ZFYVE26: variants seen among roughly 807,000 people sequenced by gnomAD.
ZFYVE26 encodes zinc finger FYVE-type containing 26, also known as zinc finger FYVE domain-containing protein 26.
In ZFYVE26, 181 loss-of-function variants were observed where a neutral mutation model predicts 276.5. The ratio of observed to expected loss-of-function variants is 0.65; its 90% CI spans 0.58 to 0.74. ZFYVE26 has a LOEUF of 0.74. Among genes scored for constraint, ZFYVE26 ranks in the 30% least tolerant of loss-of-function variants. The pLI, the probability that ZFYVE26 is intolerant of heterozygous loss-of-function variation, is 0.00. For synonymous variants in ZFYVE26, 1,129 were observed against 1,203.1 expected (o/e 0.94, Z 1.27); for missense variants, 2,821 against 3,097.9 (o/e 0.91, Z 2.12).
In ZFYVE26 at chr14:67,784,742, T is replaced by C. The variant is rs550011408; in HGVS notation, c.3524-306A>G. On this transcript the variant is annotated intron_variant, in intron 19 of 41. Coordinates refer to ENST00000347230, the MANE Select transcript of ZFYVE26 (RefSeq NM_015346.4). ...GCATGTAGTACTCACTCTGTGGACT[T>C]AAGAATCTGGTACTCATATCAGAGA... Among the ~76,000 whole-genome samples, 128 of 152,310 alleles carry C rather than the reference T, an allele frequency of 8.4e-4. 1 individual carries two copies. Among genetic ancestry groups the C allele is most frequent in the African/African-American group, 3.1e-3 (127 of 41,578 alleles).
intron 13 of ZFYVE26, among the ~76,000 whole-genome samples, chr14:67,732,880 C>T (rs1426836487): frequency 1.3e-5 from 2 of 152,118 alleles, no homozygotes; most frequent in African/African-American, 2.4e-5. Flanking sequence ...CGTGCCCAGC[C>T]GTGATAGGCT....
Position 67,746,939 on chromosome 14 carries a change from G to C in ZFYVE26, c.*1497C>G, listed in dbSNP as rs1316086261. On this transcript the variant is annotated 3_prime_UTR_variant, in exon 42 of 42. Transcript: ENST00000347230. ...TTACAGTCTTTCTCCTCTCTAACAG[G>C]ACCAAAACTTCTCATCTGACAGATG... 1 of 152,582 alleles carries C rather than the reference G, an allele frequency of 6.6e-6. No homozygotes were observed. Among genetic ancestry groups the C allele is most frequent in the Non-Finnish European group, 1.5e-5 (1 of 68,024 alleles). 9.5% of individuals were successfully genotyped at this position (152,582 alleles called of 1,614,324 possible).
At chr14:67,808,150 T>C (rs1326416228) in intron 4 of ZFYVE26, among the ~76,000 whole-genome samples, 1 of 152,198 alleles carries the variant, frequency 6.6e-6, no homozygotes, top group Admixed American at 6.5e-5. Context: ...ACTCCTATTT[T>C]ATAAATGAGG....
rs896799415 is a variant in ZFYVE26 at position 67,785,786 on chromosome 14, T to A, written c.3304+72A>T. ...GGAGTCCCAAGCCTCTGCTCCAAAG[T>A]GCTTCGTTACTCTCAGCTGTTTCCT... On this transcript the variant is annotated intron_variant, in intron 18 of 41. Coordinates refer to ENST00000347230, the MANE Select transcript of ZFYVE26 (RefSeq NM_015346.4). The A allele has an allele frequency of 1.1e-4, 174 of 1,603,510 alleles. No homozygotes were observed. The East Asian group carries it at 3.8e-3, about 35-fold the overall frequency.
At chr14:67,778,976 T>C (rs539751167) in intron 23 of ZFYVE26, among the ~76,000 whole-genome samples, 1 of 152,300 alleles carries the variant, frequency 6.6e-6, no homozygotes, top group Non-Finnish European at 1.5e-5. Context: ...CATCACCCTC[T>C]CTCCAAAATG....
At chr14:67,784,991 T>C (rs1418450168) in intron 19 of ZFYVE26, 68 bp downstream of exon 19, 2 of 1,539,460 alleles carry the variant, frequency 1.3e-6, no homozygotes, top group Non-Finnish European at 1.8e-6. Flanking sequence ...ATTGTGCATC[T>C]TTTCTCTTCC....
intron 13 of ZFYVE26, among the ~76,000 whole-genome samples, chr14:67,740,174 T>G (rs1007283): frequency 0.82 from 125,390 of 152,120 alleles, 51,991 homozygotes; most frequent in Non-Finnish European, 0.87. Context: ...CACAAAATTT[T>G]TTTTTCCTGT....
rs1488636385 is a variant in ZFYVE26, at chr14:67,802,112, T to C, written c.1606A>G (p.Thr536Ala). The change falls in exon 10 of 42, where the codon ACA (threonine) becomes GCA (alanine). Residue 536 changes from threonine (T) to alanine (A), a missense_variant. By Grantham distance (58) the Thr-to-Ala change is moderately conservative. Coordinates refer to ENST00000347230, the MANE Select transcript of ZFYVE26 (RefSeq NM_015346.4). ...DSLSEDLASA[T>A]EPANDSLSSP... is the part of the protein sequence containing the mutation. ...GAGAGAGAGTCATTCGCTGGCTCTGTAGCTGAGGCCAGGTCCTCAGAGAGG... is the reference window on the plus strand; with the variant it reads ...GAGAGAGAGTCATTCGCTGGCTCTGCAGCTGAGGCCAGGTCCTCAGAGAGG... 3 of 1,613,634 alleles carry C rather than the reference T, an allele frequency of 1.9e-6. No homozygotes were observed. Among genetic ancestry groups the C allele is most frequent in the Admixed American group, 1.7e-5 (1 of 60,008 alleles).
chr14:67,807,604 C>G lies in ZFYVE26; in HGVS notation c.680G>C (p.Cys227Ser). The G allele has an allele frequency of 2.5e-6, 4 of 1,614,218 alleles. No homozygotes were observed. The highest frequency in any genetic ancestry group is 3.4e-6 in the Non-Finnish European group (4 of 1,180,034). Residue 227 changes from cysteine (C) to serine (S), a missense_variant, in exon 5 of 42, where the codon TGC becomes TCC. By Grantham distance (112) the Cys-to-Ser change is moderately radical (BLOSUM62 -1). Coordinates refer to ENST00000347230, the MANE Select transcript of ZFYVE26 (RefSeq NM_015346.4). ...CTCAACCCCAAGTGGTTCTGCGGGG[C>G]AACGCAGAGTCCGCAGGGCTCCATA... ...AIYGALRTLRCPAEPLGVELH... is the reference protein window; with the variant it reads ...AIYGALRTLRSPAEPLGVELH...
intron 3 of ZFYVE26, among the ~76,000 whole-genome samples, chr14:67,811,951 T>C (rs2040311241): frequency 6.9e-6 from 1 of 144,192 alleles, no homozygotes; most frequent in Non-Finnish European, 1.5e-5. Flanking sequence ...ATATATTACA[T>C]ATAACATATT....
At chr14:67,787,237 C>A (rs1018487828) in intron 16 of ZFYVE26, among the ~76,000 whole-genome samples, 3 of 151,674 alleles carry the variant, frequency 2.0e-5, no homozygotes, top group Non-Finnish European at 4.4e-5. Context: ...CTAGCTACTG[C>A]GGGGTTGTGG....
intron 31 of ZFYVE26, among the ~76,000 whole-genome samples, chr14:67,767,093 G>A (rs986071548): frequency 3.3e-5 from 5 of 152,008 alleles, no homozygotes; most frequent in African/African-American, 1.2e-4. Context: ...GACAACAATG[G>A]TCAGCTCACT....
intron 35 of ZFYVE26, among the ~76,000 whole-genome samples, chr14:67,759,000 G>A (rs943873102): frequency 1.3e-5 from 2 of 150,398 alleles, no homozygotes; most frequent in Non-Finnish European, 3.0e-5. Context: ...AGCACTTTGG[G>A]AGGCCGAGGC....
Position 67,809,426 on chromosome 14 carries a change from TTTTTTTTTTA to T in ZFYVE26, c.274-147_274-138del. On this transcript the variant is annotated intron_variant, in intron 3 of 41. Transcript: ENST00000347230. Reference sequence around the variant, plus strand: ...AAGCACTCTTTTTTTTTTTTTTTTTTTTTTTTTTTATTTTGAGACAGAGTCTTGCTCTGTT... The same window carrying T: ...AAGCACTCTTTTTTTTTTTTTTTTTTTTTTGAGACAGAGTCTTGCTCTGTT... 1.2e-5 allele frequency: 7 copies of T among 588,972 alleles called. No homozygotes were observed. In the African/African-American group the frequency reaches 1.3e-4, roughly 11 times the overall value. 36.5% of individuals were successfully genotyped at this position (588,972 alleles called of 1,614,324 possible). A position where few individuals can be genotyped will look rare whatever the true frequency, so the allele number is the denominator to read the frequency against.
chr14:67,750,439 T>TG (rs1257947933), intron 41 of ZFYVE26: 3 of 158,100 alleles, frequency 1.9e-5, no homozygotes, highest in Non-Finnish European at 4.2e-5. Context: ...TTCCTGCAGA[T>TG]GGCAGAAGGA....
chr14:67,740,112 A>G (rs1374104014), intron 13 of ZFYVE26, among the ~76,000 whole-genome samples: 2 of 152,186 alleles, frequency 1.3e-5, no homozygotes, highest in African/African-American at 2.4e-5. Flanking sequence ...AGTGCATCCA[A>G]CTATATCCAG....
At chr14:67,774,807 T>C (rs1235626939) in intron 27 of ZFYVE26, among the ~76,000 whole-genome samples, 2 of 152,156 alleles carry the variant, frequency 1.3e-5, no homozygotes, top group African/African-American at 4.8e-5. Flanking sequence ...GTGGAGACTT[T>C]ATAGACATAC....
intron 21 of ZFYVE26, 109 bp from the exon 22 acceptor site, chr14:67,781,638 C>G: frequency 1.0e-6 from 1 of 993,212 alleles, no homozygotes; most frequent in Non-Finnish European, 1.5e-6. Context: ...AAAAGAGGAG[C>G]TTGGAGGATC....
chr14:67,763,678 C>T (rs775023336), intron 32 of ZFYVE26, among the ~76,000 whole-genome samples: 4 of 152,190 alleles, frequency 2.6e-5, no homozygotes, highest in Non-Finnish European at 4.4e-5. Context: ...TGTCGTTAAG[C>T]AATGCATGAC....
Sources: allele counts gnomAD v4.1 joint callset (sites outside exome capture counted in the v4.1 genomes callset), GRCh38; gene constraint gnomAD v4.1.1; transcripts MANE v1.5; gene names NCBI Gene and HGNC (gene_info 2026-07-23, HGNC 2026-07-21).